The following LIPG variants were observed in gnomAD, a reference collection of about 807,000 sequenced individuals.
The protein encoded by LIPG is endothelial lipase.
A neutral mutation model predicts 51.8 loss-of-function variants in LIPG; 34 were observed. The observed-to-expected ratio is 0.66, with a 90% CI of 0.50 to 0.87. The LOEUF (loss-of-function observed/expected upper bound fraction) is 0.87. Ranked by LOEUF, LIPG falls within the 40% of genes least tolerant of loss-of-function variation. The pLI is 0.00. For missense variants in LIPG, 580 were observed against 652.7 expected (o/e 0.89, Z 1.21); for synonymous variants, 246 against 246.1 (o/e 1.00, Z 0.00).
chr18:49,584,365 C>A (rs1458621191), intron 8 of LIPG, among the ~76,000 whole-genome samples: 1 of 152,220 alleles, frequency 6.6e-6, no homozygotes, highest in Non-Finnish European at 1.5e-5. Flanking sequence ...CTTTTAACCC[C>A]AAGCCTAGCA....
rs1374687783 is a variant in LIPG at position 49,577,776 on chromosome 18, C to T, written c.793+2186C>T. Among the ~76,000 whole-genome samples the T allele has an allele frequency of 1.6e-4, 17 of 106,134 alleles. 1 individual carries two copies. The highest frequency in any genetic ancestry group is 6.5e-4 in the African/African-American group (15 of 23,224). 69.6% of individuals were successfully genotyped at this position (106,134 alleles called of 152,430 possible). The stretch of plus-strand genomic sequence containing the variant: ...CCCCCCACCTCCCTCCCGGATGGGG[C>T]GGCTGGCCAGGCGGGGGGCTGACCC... On this transcript the variant is annotated intron_variant, in intron 5 of 9. Transcript: ENST00000261292.
rs560232205 is a variant in LIPG, at chr18:49,594,927, A to G, written c.*4405A>G. 1.3e-5 allele frequency: 2 copies of G among 152,348 alleles called. No individual in the cohort carries two copies. The highest frequency in any genetic ancestry group is 4.8e-5 in the African/African-American group (2 of 41,582). 9.4% of individuals were successfully genotyped at this position (152,348 alleles called of 1,614,324 possible). On this transcript the variant is annotated 3_prime_UTR_variant, in exon 10 of 10. Coordinates refer to ENST00000261292, the MANE Select transcript of LIPG (RefSeq NM_006033.4). ...AATTGTTGAAATTTCCCAAAGGAAG[A>G]GTCATAGCCTGGATGACTGCAAGTG...
intron 1 of LIPG, among the ~76,000 whole-genome samples, chr18:49,563,863 C>G (rs1314127695): frequency 6.6e-6 from 1 of 152,038 alleles, no homozygotes; most frequent in East Asian, 1.9e-4. Flanking sequence ...GAGTCTTTGT[C>G]CATATGTGGG....
chr18:49,587,123 AG>A (rs1266869612), intron 9 of LIPG, among the ~76,000 whole-genome samples: 67 of 130,816 alleles, frequency 5.1e-4, no homozygotes, highest in Non-Finnish European at 7.2e-4. Flanking sequence ...AAAAAAAAAA[AG>A]AATGCCGGGC....
At chr18:49,579,510 A>G (rs139343693) in intron 5 of LIPG, among the ~76,000 whole-genome samples, 13 of 152,058 alleles carry the variant, frequency 8.5e-5, no homozygotes, top group African/African-American at 2.9e-4. Context: ...ACTGAGGTGT[A>G]GGGCAGTGAC....
At chr18:49,580,329 GGTT>G (rs1184334387) in intron 5 of LIPG, among the ~76,000 whole-genome samples, 1 of 152,202 alleles carries the variant, frequency 6.6e-6, no homozygotes, top group Non-Finnish European at 1.5e-5. Flanking sequence ...ACTAGAATGA[GGTT>G]GTCAAACATC....
At chr18:49,588,905 G>A (rs1347708431) in intron 9 of LIPG, among the ~76,000 whole-genome samples, 3 of 152,046 alleles carry the variant, frequency 2.0e-5, no homozygotes, top group African/African-American at 7.2e-5. Flanking sequence ...ACTTAGCTTG[G>A]GCCCAGCCTG....
At chr18:49,576,679 C>T (rs2084722738) in intron 5 of LIPG, among the ~76,000 whole-genome samples, 1 of 151,974 alleles carries the variant, frequency 6.6e-6, no homozygotes, top group African/African-American at 2.4e-5. Context: ...CCATGTTAGC[C>T]AGGCTGGTCT....
chr18:49,582,414 A>C lies in LIPG; in HGVS notation c.1089A>C (p.Glu363Asp). 1 of 1,614,130 alleles carries C rather than the reference A, an allele frequency of 6.2e-7. No individual in the cohort carries two copies. The highest frequency in any genetic ancestry group is 8.5e-7 in the Non-Finnish European group (1 of 1,179,960). Residue 363 changes from glutamate (E) to aspartate (D), a missense_variant, in exon 7 of 10, where the codon GAA (glutamate) becomes GAC (aspartate). Transcript: ENST00000261292. ...TCTTCAGTTACAAGAACATGGGAGAAATTGAGCCCACCTTTTACGTCACCC... is the reference window on the plus strand; with the variant it reads ...TCTTCAGTTACAAGAACATGGGAGACATTGAGCCCACCTTTTACGTCACCC... ...IHVFSYKNMG[E>D]IEPTFYVTLY... is the part of the protein sequence containing the mutation.
chr18:49,575,365 G>A lies in LIPG; in HGVS notation c.572-4G>A. 6.2e-7 allele frequency: 1 copy of A among 1,612,044 alleles called. No individual in the cohort carries two copies. Among genetic ancestry groups the A allele is most frequent in the East Asian group, 2.2e-5 (1 of 44,878 alleles). ...AGCTGTTTTGGGGCCTCCTTCTGCT[G>A]CAGGTTTGGATCCTGCCGGGCCCAT... On this transcript the variant is annotated splice_polypyrimidine_tract_variant and splice_region_variant and intron_variant, in intron 4 of 9. Coordinates refer to ENST00000261292, the MANE Select transcript of LIPG (RefSeq NM_006033.4).
chr18:49,569,898 G>T (rs1404221579), intron 4 of LIPG, among the ~76,000 whole-genome samples: 2 of 152,046 alleles, frequency 1.3e-5, no homozygotes, highest in African/African-American at 2.4e-5. Flanking sequence ...CCATAGGCCT[G>T]GTCCAATAGG....
In LIPG at chr18:49,565,126, A is replaced by G. The variant is rs923310363; in HGVS notation, c.98-191A>G. On this transcript the variant is annotated intron_variant, in intron 1 of 9. Transcript: ENST00000261292. ...AGTGACTAATTAATACTCTTTAAGTATAAATGAGATGTCCTTTTTTATAAA... is the reference window on the plus strand; with the variant it reads ...AGTGACTAATTAATACTCTTTAAGTGTAAATGAGATGTCCTTTTTTATAAA... Among the ~76,000 whole-genome samples the G allele has an allele frequency of 3.9e-5, 6 of 152,272 alleles. 1 individual carries two copies. Among genetic ancestry groups the G allele is most frequent in the Admixed American group, 3.3e-4 (5 of 15,282 alleles).
chr18:49,575,304 A>G, intron 4 of LIPG, 65 bp from the exon 5 acceptor site: 4 of 1,287,942 alleles, frequency 3.1e-6, no homozygotes, highest in Non-Finnish European at 4.5e-6. Flanking sequence ...CTTAACTTGT[A>G]ATCAGGACTC....
chr18:49,573,059 C>A (rs2084679986), intron 4 of LIPG, among the ~76,000 whole-genome samples: 1 of 152,216 alleles, frequency 6.6e-6, no homozygotes, highest in East Asian at 1.9e-4. Flanking sequence ...TAGGTGAAGG[C>A]CCAGCCTTGC....
intron 7 of LIPG, among the ~76,000 whole-genome samples, chr18:49,583,154 A>G (rs1600564873): frequency 6.6e-6 from 1 of 152,326 alleles, no homozygotes; most frequent in African/African-American, 2.4e-5. Flanking sequence ...TTTCCCCAGC[A>G]TCTGATTTTC....
intron 8 of LIPG, among the ~76,000 whole-genome samples, chr18:49,585,768 T>C (rs2084873911): frequency 1.3e-5 from 2 of 152,220 alleles, no homozygotes; most frequent in African/African-American, 4.8e-5. Flanking sequence ...GTTGAACTAA[T>C]TTTCCATCTT....
rs1388332687 is a variant in LIPG at position 49,581,506 on chromosome 18, C to A, written c.885C>A (p.Phe295Leu). The change falls in exon 6 of 10, where the codon TTC (phenylalanine) becomes TTA (leucine). Residue 295 changes from phenylalanine to leucine, a missense_variant. Transcript: ENST00000261292. ...LVNQDKPSFA[F>L]QCTDSNRFKK... ...ATCAGGACAAGCCGAGTTTTGCCTT[C>A]CAGTGCACTGACTCCAATCGCTTCA... is the stretch of plus-strand genomic sequence containing the variant. 6.2e-7 allele frequency: 1 copy of A among 1,614,086 alleles called. No individual in the cohort carries two copies. Among genetic ancestry groups the A allele is most frequent in the Non-Finnish European group, 8.5e-7 (1 of 1,180,048 alleles).
chr18:49,575,416 A>G lies in LIPG; in HGVS notation c.619A>G (p.Arg207Gly), dbSNP rs760422771. Residue 207 changes from arginine (R) to glycine (G), a missense_variant, in exon 5 of 10, where the codon AGG becomes GGG. Arg to Gly is a moderately radical substitution (Grantham distance 125). Transcript: ENST00000261292. Reference protein sequence around the residue: ...PMFEGADIHKRLSPDDADFVD... With the variant: ...PMFEGADIHKGLSPDDADFVD... ...GTTTGAAGGGGCCGACATCCACAAG[A>G]GGCTCTCTCCGGACGATGCAGATTT... is the stretch of plus-strand genomic sequence containing the variant. The G allele has an allele frequency of 6.2e-7, 1 of 1,613,896 alleles. No homozygotes were observed. Among genetic ancestry groups the G allele is most frequent in the South Asian group, 1.1e-5 (1 of 91,052 alleles).
chr18:49,579,721 CAG>C (rs2031184836), intron 5 of LIPG, among the ~76,000 whole-genome samples: 2 of 147,112 alleles, frequency 1.4e-5, no homozygotes, highest in South Asian at 4.3e-4. Context: ...ACTCCCTCCT[CAG>C]AATATAGGAT....
Sources: gnomAD v4.1 joint callset for allele counts (sites outside exome capture counted in the v4.1 genomes callset) on GRCh38, gnomAD v4.1.1 for gene constraint, MANE v1.5 for transcripts, NCBI Gene and HGNC (gene_info 2026-07-23, HGNC 2026-07-21) for gene names.